The following TMEM163 variants were observed in gnomAD, a reference collection of about 807,000 sequenced individuals.
TMEM163 encodes the protein transmembrane protein 163.
TMEM163 carries 17 observed loss-of-function variants against 29.3 expected under a neutral mutation model. The observed-to-expected ratio is 0.58, with a 90% confidence interval of 0.40 to 0.87. The LOEUF is 0.87. Ranked by LOEUF, TMEM163 falls within the 40% of genes least tolerant of loss-of-function variation. The pLI is 0.00. For missense variants in TMEM163, 303 were observed against 381.5 expected (o/e 0.79, Z 1.71); for synonymous variants, 157 against 160.6 (o/e 0.98, Z 0.17).
intron 6 of TMEM163, chr2:134,458,591 C>T (rs894456252): frequency 1.2e-4 from 22 of 178,350 alleles, no homozygotes; most frequent in African/African-American, 3.2e-4. Flanking sequence ...GGCCAGATTC[C>T]GAGTTGGGTG....
intron 2 of TMEM163, among the ~76,000 whole-genome samples, chr2:134,560,822 C>T (rs1354097684): frequency 6.6e-6 from 1 of 152,192 alleles, no homozygotes; most frequent in Non-Finnish European, 1.5e-5. Flanking sequence ...ATGCACATGA[C>T]CCCCGTTCCA....
At chr2:134,655,269 C>A (rs1450868577) in intron 2 of TMEM163, among the ~76,000 whole-genome samples, 14 of 137,314 alleles carry the variant, frequency 1.0e-4, no homozygotes, top group Admixed American at 6.4e-4. Flanking sequence ...TTTTCTCTAA[C>A]CTTCCCTTCT....
chr2:134,641,527 C>T (rs890825100), intron 2 of TMEM163, among the ~76,000 whole-genome samples: 1 of 152,024 alleles, frequency 6.6e-6, no homozygotes, highest in African/African-American at 2.4e-5. Context: ...AATAAAAAGT[C>T]AAGCAACAGA....
intron 2 of TMEM163, among the ~76,000 whole-genome samples, chr2:134,642,767 A>C (rs1683249929): frequency 6.6e-6 from 1 of 152,174 alleles, no homozygotes; most frequent in Admixed American, 6.5e-5. Flanking sequence ...ATAATCCCAG[A>C]CTCAAAGAGG....
intron 2 of TMEM163, among the ~76,000 whole-genome samples, chr2:134,703,091 T>C (rs369888255): frequency 4.6e-5 from 7 of 152,202 alleles, no homozygotes; most frequent in African/African-American, 1.7e-4. Flanking sequence ...ACACCTCCCA[T>C]GTGACCTTAC....
chr2:134,595,380 C>T (rs1265466034), intron 2 of TMEM163, among the ~76,000 whole-genome samples: 3 of 151,978 alleles, frequency 2.0e-5, no homozygotes, highest in Non-Finnish European at 2.9e-5. Context: ...TTTTTTTGTC[C>T]TTGCAATAGT....
chr2:134,551,386 G>C (rs1680918710), intron 3 of TMEM163, among the ~76,000 whole-genome samples: 1 of 152,072 alleles, frequency 6.6e-6, no homozygotes, highest in Admixed American at 6.5e-5. Flanking sequence ...TCACAACAAA[G>C]GGCAGAAGTG....
At chr2:134,544,682 C>T (rs1448126979) in intron 4 of TMEM163, among the ~76,000 whole-genome samples, 1 of 152,160 alleles carries the variant, frequency 6.6e-6, no homozygotes, top group East Asian at 1.9e-4. Context: ...GTAATCCCAG[C>T]TGCTCGGGAG....
At chr2:134,492,683 G>A (rs72853934) in intron 5 of TMEM163, among the ~76,000 whole-genome samples, 20,272 of 152,146 alleles carry the variant, frequency 0.13, 1,675 homozygotes, top group Middle Eastern at 0.29. Context: ...GCATGCGTCA[G>A]TAGTGTCTAC....
At chr2:134,587,102 C>T (rs1681839391) in intron 2 of TMEM163, among the ~76,000 whole-genome samples, 1 of 152,120 alleles carries the variant, frequency 6.6e-6, no homozygotes, top group Non-Finnish European at 1.5e-5. Context: ...GGTCTACCCT[C>T]AACTTTGAAC....
chr2:134,465,333 C>T (rs930635085), intron 6 of TMEM163, among the ~76,000 whole-genome samples: 5 of 152,008 alleles, frequency 3.3e-5, no homozygotes, highest in African/African-American at 1.2e-4. Context: ...AAAAAAGAAT[C>T]CACATATTTC....
rs760342870 is a variant in TMEM163 at position 134,466,181 on chromosome 2, G to A, written c.600C>T (p.Cys200=). ...FSVSILSGIL[C]SILAVLKFML... is the part of the protein sequence containing the mutation. ...TGAACTTCAACACGGCCAGGATGCT[G>A]CAAAGAATCCCACTTAAAATGGAGA... The change falls in exon 6 of 8, where the codon TGC becomes TGT. Residue 200 remains cysteine (C), a synonymous_variant. Transcript: ENST00000281924. 1.2e-6 allele frequency: 2 copies of A among 1,613,984 alleles called. No homozygotes were observed. The highest frequency in any genetic ancestry group is 1.7e-5 in the Admixed American group (1 of 60,010).
intron 5 of TMEM163, among the ~76,000 whole-genome samples, chr2:134,487,805 T>A (rs56087458): frequency 0.12 from 17,513 of 152,148 alleles, 1,243 homozygotes; most frequent in South Asian, 0.2. Flanking sequence ...TTCATCTGAG[T>A]AAAAGAAAAA....
At chr2:134,568,707 G>A (rs1312783929) in intron 2 of TMEM163, among the ~76,000 whole-genome samples, 3 of 151,574 alleles carry the variant, frequency 2.0e-5, no homozygotes, top group Non-Finnish European at 4.4e-5. Context: ...GAAAGAAAAA[G>A]AAAGAAACAA....
In TMEM163 at chr2:134,460,889, G is replaced by A. The variant is rs576821620; in HGVS notation, c.668-2716C>T. Reference sequence around the variant, plus strand: ...GAGGAGACTCTGCCTTGCCTGGCTCGGCTCACCTTTTGTGATGACAGAGCC... The same window carrying A: ...GAGGAGACTCTGCCTTGCCTGGCTCAGCTCACCTTTTGTGATGACAGAGCC... On this transcript the variant is annotated intron_variant, in intron 6 of 7. Coordinates refer to ENST00000281924, the MANE Select transcript of TMEM163 (RefSeq NM_030923.5). This position sits in a 1 kb window ranked among gnomAD's most constrained non-coding sequence, Gnocchi z 4.3. Among the ~76,000 whole-genome samples the A allele has an allele frequency of 3.9e-5, 6 of 152,178 alleles. No homozygotes were observed. The highest frequency in any genetic ancestry group is 2.1e-4 in the South Asian group (1 of 4,824).
chr2:134,682,251 A>G (rs1684262695), intron 2 of TMEM163, among the ~76,000 whole-genome samples: 1 of 152,214 alleles, frequency 6.6e-6, no homozygotes, highest in Admixed American at 6.5e-5. Context: ...ACCCAGGTTG[A>G]GAAAGGCTGA....
intron 2 of TMEM163, among the ~76,000 whole-genome samples, chr2:134,659,031 T>C (rs1207460852): frequency 6.6e-6 from 1 of 152,206 alleles, no homozygotes; most frequent in Non-Finnish European, 1.5e-5. Flanking sequence ...TCGCCGAGTG[T>C]ACTTACACAG....
chr2:134,710,950 G>C (rs1226518302), intron 2 of TMEM163, among the ~76,000 whole-genome samples: 2 of 152,202 alleles, frequency 1.3e-5, no homozygotes, highest in Non-Finnish European at 2.9e-5. Context: ...GGACAGAGAT[G>C]CAGGAAGTCA....
chr2:134,610,738 G>T (rs180972124), intron 2 of TMEM163, among the ~76,000 whole-genome samples: 2 of 152,278 alleles, frequency 1.3e-5, no homozygotes, highest in African/African-American at 4.8e-5. Flanking sequence ...AACACAGTTT[G>T]TCTGGGGATG....
Sources: allele counts gnomAD v4.1 joint callset (sites outside exome capture counted in the v4.1 genomes callset), GRCh38; gene constraint gnomAD v4.1.1; non-coding constraint Gnocchi (gnomAD v3.1); transcripts MANE v1.5; gene names NCBI Gene and HGNC (gene_info 2026-07-23, HGNC 2026-07-21).